The following ITGB8 variants were observed in gnomAD, a reference collection of about 807,000 sequenced individuals.
The protein encoded by ITGB8 is integrin beta-8.
In ITGB8, 30 loss-of-function variants were observed where a neutral mutation model predicts 89.5. The ratio of observed to expected loss-of-function variants is 0.34; its 90% CI spans 0.25 to 0.45. The LOEUF is 0.45. ITGB8 is among the 20% of genes least tolerant of loss of function. ITGB8 has a pLI of 1.00. For missense variants in ITGB8, 836 were observed against 933.3 expected (o/e 0.90, Z 1.36); for synonymous variants, 335 against 320.4 (o/e 1.05, Z -0.49).
intron 6 of ITGB8, among the ~76,000 whole-genome samples, chr7:20,386,945 G>T (rs577108788): frequency 6.6e-6 from 1 of 152,020 alleles, no homozygotes; most frequent in East Asian, 1.9e-4. Context: ...ATAGGGTATC[G>T]TGATTACAAC....
chr7:20,356,538 G>T (rs1179964249), intron 1 of ITGB8, among the ~76,000 whole-genome samples: 1 of 152,054 alleles, frequency 6.6e-6, no homozygotes, highest in Non-Finnish European at 1.5e-5. Flanking sequence ...TTTTAAGGAA[G>T]TAGCTTTATA....
chr7:20,378,253 T>C (rs1171822989), intron 3 of ITGB8, among the ~76,000 whole-genome samples: 3 of 152,322 alleles, frequency 2.0e-5, no homozygotes, highest in South Asian at 2.1e-4. Flanking sequence ...ACATTTGTCC[T>C]TGTGGCAGCC....
At position 20,363,719 on chromosome 7, in the gene ITGB8, A is replaced by T; in HGVS notation, c.210A>T (p.Gln70His). The change falls in exon 2 of 14, where the codon CAA becomes CAT. Residue 70 changes from glutamine to histidine, a missense_variant. Transcript: ENST00000222573. ...GTCCAGAATGTGGATGGTGTGTTCA[A>T]GAGGTGTGCCATTTTTTTTTTTCTT... ...ALGPECGWCV[Q>H]EDFISGGSRS... is the part of the protein sequence containing the mutation. The T allele has an allele frequency of 6.4e-7, 1 of 1,558,170 alleles. No homozygotes were observed. The highest frequency in any genetic ancestry group is 2.1e-5 in the Admixed American group (1 of 48,428).
intron 1 of ITGB8, chr7:20,346,944 A>C: frequency 1.4e-6 from 1 of 712,626 alleles, no homozygotes; most frequent in Middle Eastern, 7.0e-4. Context: ...TCTAATCATC[A>C]ATGTAATGGC....
chr7:20,370,887 T>G (rs1316132738), intron 3 of ITGB8, among the ~76,000 whole-genome samples: 1 of 152,174 alleles, frequency 6.6e-6, no homozygotes, highest in African/African-American at 2.4e-5. Flanking sequence ...GTGCTGGGAT[T>G]TCAGGAGTGA....
rs147217209 is a variant in ITGB8, at chr7:20,354,424, A to C, written c.128-9213A>C. ...GTTAGAGTCTCTTATTTATCTTTCA[A>C]AACTCAGATGAAAATTCATCAGTTA... On this transcript the variant is annotated intron_variant, in intron 1 of 13. Coordinates refer to ENST00000222573, the MANE Select transcript of ITGB8 (RefSeq NM_002214.3). 2.6e-5 allele frequency among the ~76,000 whole-genome samples: 4 copies of C among 152,336 alleles called. No homozygotes were observed. In the East Asian group the frequency reaches 7.7e-4, roughly 29 times the overall value.
At chr7:20,366,926 C>CA (rs1159870563) in intron 2 of ITGB8, 86 bp from the exon 3 acceptor site, 3 of 886,742 alleles carry the variant, frequency 3.4e-6, no homozygotes, top group African/African-American at 3.5e-5. Context: ...TATAAAATAC[C>CA]AAAAATGCAA....
chr7:20,379,638 T>A (rs899732070), intron 4 of ITGB8: 7 of 153,090 alleles, frequency 4.6e-5, no homozygotes, highest in African/African-American at 1.7e-4. Context: ...ATTCTGTATT[T>A]TTATTTTTTG....
intron 1 of ITGB8, among the ~76,000 whole-genome samples, chr7:20,355,770 C>T (rs956383573): frequency 1.3e-5 from 2 of 152,056 alleles, no homozygotes; most frequent in Admixed American, 6.5e-5. Flanking sequence ...CTAGGCTGGG[C>T]GACACTGCAA....
chr7:20,379,094 A>C lies in ITGB8; in HGVS notation c.432A>C (p.Lys144Asn). The C allele has an allele frequency of 1.2e-6, 2 of 1,602,136 alleles. No individual in the cohort carries two copies. Among genetic ancestry groups the C allele is most frequent in the Non-Finnish European group, 1.7e-6 (2 of 1,173,450 alleles). Residue 144 changes from lysine to asparagine, a missense_variant, in exon 4 of 14, where the codon AAA becomes AAC. By Grantham distance (94) the Lys-to-Asn change is moderately conservative. This residue lies in a region of ITGB8 where 182 missense variants were observed against 177.0 expected (regional missense o/e 1.03). Coordinates refer to ENST00000222573, the MANE Select transcript of ITGB8 (RefSeq NM_002214.3). The stretch of plus-strand genomic sequence containing the variant: ...TGCTGAAAGTTCATCCTCTGAAGAA[A>C]TATCCTGTGGATCTTTATTATCTTG... ...NFMLKVHPLK[K>N]YPVDLYYLVD...
intron 9 of ITGB8, among the ~76,000 whole-genome samples, chr7:20,401,183 T>G (rs910816255): frequency 6.6e-6 from 1 of 152,136 alleles, no homozygotes; most frequent in Non-Finnish European, 1.5e-5. Flanking sequence ...TTCACCATGT[T>G]GGCTAGGCTG....
chr7:20,413,349 C>G lies in ITGB8; in HGVS notation c.*3352C>G, dbSNP rs1352915641. 1 of 152,444 alleles carries G rather than the reference C, an allele frequency of 6.6e-6. No individual in the cohort carries two copies. Among genetic ancestry groups the G allele is most frequent in the African/African-American group, 2.4e-5 (1 of 41,422 alleles). 9.4% of individuals were successfully genotyped at this position (152,444 alleles called of 1,614,324 possible). ...AGATGCAATCCTTCAAAGAATGAAT[C>G]TGAAATATATTTTTAATATTTACTT... On this transcript the variant is annotated 3_prime_UTR_variant, in exon 14 of 14. Transcript: ENST00000222573.
chr7:20,402,010 G>C lies in ITGB8; in HGVS notation c.1571G>C (p.Gly524Ala). The C allele has an allele frequency of 1.9e-6, 3 of 1,614,150 alleles. No individual in the cohort carries two copies. Among genetic ancestry groups the C allele is most frequent in the Non-Finnish European group, 2.5e-6 (3 of 1,180,018 alleles). Residue 524 changes from glycine (G) to alanine (A), a missense_variant, in exon 10 of 14, where the codon GGA becomes GCA. By Grantham distance (60) the Gly-to-Ala change is moderately conservative. Around this residue, in one of 5 missense-constraint regions of ITGB8, gnomAD observed 422 missense variants for 416.9 expected, o/e 1.01. Transcript: ENST00000222573. The part of the protein sequence containing the change: ...HKDQPVCSGR[G>A]VCVCGKCSCH... Reference sequence around the variant, plus strand: ...GATCAGCCTGTTTGCAGTGGTCGAGGAGTTTGTGTTTGTGGGAAATGTTCA... The same window carrying C: ...GATCAGCCTGTTTGCAGTGGTCGAGCAGTTTGTGTTTGTGGGAAATGTTCA...
intron 1 of ITGB8, among the ~76,000 whole-genome samples, chr7:20,361,988 G>T (rs757769752): frequency 2.6e-5 from 4 of 152,166 alleles, no homozygotes; most frequent in Non-Finnish European, 4.4e-5. Context: ...GAGATACATA[G>T]AGGAGATAAT....
rs1787318671 is a variant in ITGB8 at position 20,401,743 on chromosome 7, C to T, written c.1304C>T (p.Thr435Ile). 1 of 1,567,738 alleles carries T rather than the reference C, an allele frequency of 6.4e-7. No individual in the cohort carries two copies. Residue 435 changes from threonine to isoleucine, a missense_variant, in exon 10 of 14, where the codon ACA becomes ATA. Transcript: ENST00000222573. ...TAGGTTCTTTTCAATGTAACAGTTACAATGAAAAAATGTGATGTCACAGGA... is the reference window on the plus strand; with the variant it reads ...TAGGTTCTTTTCAATGTAACAGTTATAATGAAAAAATGTGATGTCACAGGA... ...NDEVLFNVTV[T>I]MKKCDVTGGK...
chr7:20,332,180 A>G (rs913962053), intron 1 of ITGB8, among the ~76,000 whole-genome samples: 1 of 152,212 alleles, frequency 6.6e-6, no homozygotes, highest in Non-Finnish European at 1.5e-5. Context: ...CTAGGTGTTG[A>G]GGAAGCCCTA....
intron 10 of ITGB8, among the ~76,000 whole-genome samples, chr7:20,403,223 T>C (rs991469883): frequency 1.3e-5 from 2 of 152,220 alleles, no homozygotes; most frequent in East Asian, 3.8e-4. Context: ...GGATGGATTA[T>C]AGATGACTTT....
At position 20,404,794 on chromosome 7, in the gene ITGB8, G is replaced by C; in HGVS notation, c.1854G>C (p.Arg618Ser). 1 of 1,614,182 alleles carries C rather than the reference G, an allele frequency of 6.2e-7. No individual in the cohort carries two copies. Among genetic ancestry groups the C allele is most frequent in the East Asian group, 2.2e-5 (1 of 44,880 alleles). Residue 618 changes from arginine to serine, a missense_variant, in exon 11 of 14, where the codon AGG (arginine) becomes AGC (serine). Around this residue, in one of 5 missense-constraint regions of ITGB8, gnomAD observed 422 missense variants for 416.9 expected, o/e 1.01. Coordinates refer to ENST00000222573, the MANE Select transcript of ITGB8 (RefSeq NM_002214.3). The part of the protein sequence containing the change: ...VCGRCECTDP[R>S]SIGRFCEHCP... ...GAAGGTGTGAGTGCACCGATCCCAGGAGCATCGGCCGCTTCTGTGAACACT... is the reference window on the plus strand; with the variant it reads ...GAAGGTGTGAGTGCACCGATCCCAGCAGCATCGGCCGCTTCTGTGAACACT...
intron 3 of ITGB8, among the ~76,000 whole-genome samples, chr7:20,378,711 T>C (rs1786255517): frequency 6.6e-6 from 1 of 152,148 alleles, no homozygotes; most frequent in African/African-American, 2.4e-5. Flanking sequence ...TGTGTTTTTC[T>C]AGCTACTAAG....
Sources: allele counts gnomAD v4.1 joint callset (sites outside exome capture counted in the v4.1 genomes callset), GRCh38; gene constraint gnomAD v4.1.1; regional missense constraint gnomAD v4.1.1; transcripts MANE v1.5; gene names NCBI Gene and HGNC (gene_info 2026-07-23, HGNC 2026-07-21).